Variants in HECW1 observed in about 807,000 individuals in gnomAD.
HECW1 encodes the protein HECT, C2 and WW domain containing E3 ubiquitin protein ligase 1, also known as E3 ubiquitin-protein ligase HECW1.
In HECW1, 61 loss-of-function variants were observed where a neutral mutation model predicts 182.3. That is an observed-to-expected ratio of 0.33 (90% CI 0.27 to 0.41). HECW1 has a LOEUF of 0.41. HECW1 is among the 10% of genes least tolerant of loss of function. The pLI is 1.00. For missense variants in HECW1, 1,739 were observed against 2,108.9 expected, an observed-to-expected ratio of 0.82 and a Z score of 3.44; for synonymous variants, 859 against 832.6, an observed-to-expected ratio of 1.03 and a Z score of -0.55.
chr7:43,466,654 G>A, intron 15 of HECW1, 86 bp downstream of exon 15: 8 of 1,426,936 alleles, frequency 5.6e-6, no homozygotes, highest in Non-Finnish European at 5.7e-6. Flanking sequence ...AGATCTAAAA[G>A]GGTAGAATTT....
chr7:43,361,077 T>TGC, intron 6 of HECW1, 97 bp downstream of exon 6: 1 of 731,312 alleles, frequency 1.4e-6, no homozygotes, highest in Non-Finnish European at 2.4e-6. Flanking sequence ...TGTGTGTGTG[T>TGC]GTGTGTGTGT....
At chr7:43,308,151 A>ATTATATATTTATATATAATATATTT (rs1807935520) in intron 3 of HECW1, among the ~76,000 whole-genome samples, 3 of 105,380 alleles carry the variant, frequency 2.8e-5, no homozygotes, top group Non-Finnish European at 5.2e-5. Context: ...TATATTATAT[A>ATTATATATTTATATATAATATATTT]TTATATATTT....
intron 5 of HECW1, among the ~76,000 whole-genome samples, chr7:43,340,408 A>G (rs989160495): frequency 6.6e-6 from 1 of 150,590 alleles, no homozygotes; most frequent in Non-Finnish European, 1.5e-5. Context: ...TTTAGTAGAG[A>G]CGGGGGTTCA....
chr7:43,194,481 C>T (rs1050947539), intron 2 of HECW1: 2 of 152,136 alleles, frequency 1.3e-5, no homozygotes, highest in Admixed American at 1.3e-4. Flanking sequence ...CAGAAAGCCA[C>T]TCCTACCCCA....
chr7:43,480,615 GTGTGTGTGCGTGTGTGTGTGTGTACATA>G (rs1204604155), intron 17 of HECW1, among the ~76,000 whole-genome samples: 2 of 151,654 alleles, frequency 1.3e-5, no homozygotes, highest in Non-Finnish European at 2.9e-5. Context: ...GTGAGTTTGT[GTGTGTGTGCGTGTGTGTGTGTGTACATA>G]TGTGTGTGTG....
At chr7:43,130,476 T>C (rs1041983179) in intron 2 of HECW1, among the ~76,000 whole-genome samples, 7 of 152,234 alleles carry the variant, frequency 4.6e-5, no homozygotes, top group Non-Finnish European at 1.0e-4. Flanking sequence ...GTGGACAGTC[T>C]GTGGGTGTTT....
chr7:43,420,764 C>T (rs929515692), intron 8 of HECW1, among the ~76,000 whole-genome samples: 8 of 152,210 alleles, frequency 5.3e-5, no homozygotes, highest in African/African-American at 9.6e-5. Flanking sequence ...ATGGTTACAC[C>T]GTGCACTACC....
chr7:43,416,393 T>C (rs1220246170), intron 8 of HECW1, among the ~76,000 whole-genome samples: 1 of 150,952 alleles, frequency 6.6e-6, no homozygotes, highest in African/African-American at 2.4e-5. Flanking sequence ...GGTTCTCAGA[T>C]CTCCAGCTGC....
At position 43,383,145 on chromosome 7, in the gene HECW1, G is replaced by GTTA. The variant is rs1348799608; in HGVS notation, c.556-13668_556-13667insTAT. 2.6e-5 allele frequency among the ~76,000 whole-genome samples: 4 copies of GTTA among 152,212 alleles called. No homozygotes were observed. The East Asian group carries it at 7.7e-4, about 29-fold the overall frequency. ...TTTTATGGCAGCATAGTATTCCATG[G>GTTA]TGTATGTGTGCCACATTTTCTTTAT... On this transcript the variant is annotated intron_variant, in intron 6 of 29. Transcript: ENST00000395891.
At chr7:43,521,363 G>A (rs1481482287) in intron 24 of HECW1, among the ~76,000 whole-genome samples, 2 of 152,146 alleles carry the variant, frequency 1.3e-5, no homozygotes, top group African/African-American at 4.8e-5. Context: ...ATTCTCCTAG[G>A]AGGCAAAATC....
chr7:43,445,711 T>C (rs1448769608), intron 11 of HECW1, 141 bp downstream of exon 11: 3 of 991,108 alleles, frequency 3.0e-6, no homozygotes, highest in Non-Finnish European at 4.4e-6. Context: ...TGTATATACA[T>C]GTGTGCATGT....
intron 2 of HECW1, among the ~76,000 whole-genome samples, chr7:43,192,425 AATT>A (rs1364856193): frequency 6.6e-6 from 1 of 152,198 alleles, no homozygotes; most frequent in African/African-American, 2.4e-5. Context: ...GAATGTGCCA[AATT>A]ATTATTACTT....
intron 2 of HECW1, among the ~76,000 whole-genome samples, chr7:43,210,889 C>T (rs533876719): frequency 1.4e-3 from 219 of 152,294 alleles, no homozygotes; most frequent in Non-Finnish European, 2.3e-3. Flanking sequence ...CAGGTCCAGC[C>T]GTGACAAACA....
intron 3 of HECW1, among the ~76,000 whole-genome samples, chr7:43,253,715 G>C (rs1419753917): frequency 6.6e-6 from 1 of 152,096 alleles, no homozygotes; most frequent in Non-Finnish European, 1.5e-5. Context: ...AGACCAGCCT[G>C]GCCAATATGG....
chr7:43,450,257 A>G (rs946469071), intron 11 of HECW1, among the ~76,000 whole-genome samples: 4 of 150,918 alleles, frequency 2.7e-5, no homozygotes, highest in African/African-American at 9.8e-5. Context: ...CAACCCCCCA[A>G]CCTCCAGCTT....
At chr7:43,445,785 C>G (rs2077037050) in intron 11 of HECW1, among the ~76,000 whole-genome samples, 1 of 152,164 alleles carries the variant, frequency 6.6e-6, no homozygotes, top group South Asian at 2.1e-4. Context: ...CAGATACACA[C>G]CAGGAATTAC....
intron 5 of HECW1, among the ~76,000 whole-genome samples, chr7:43,355,707 A>G (rs1584602307): frequency 6.6e-6 from 1 of 152,200 alleles, no homozygotes; most frequent in East Asian, 1.9e-4. Context: ...AAAACCAACC[A>G]GAGGCCAGGC....
chr7:43,338,449 CTCTTTAT>C (rs1195634983), intron 5 of HECW1, among the ~76,000 whole-genome samples: 13 of 152,046 alleles, frequency 8.6e-5, no homozygotes, highest in African/African-American at 3.1e-4. Flanking sequence ...TTACTTTCTG[CTCTTTAT>C]TCTTTATCAT....
At chr7:43,517,231 A>C (rs934246222) in intron 24 of HECW1, among the ~76,000 whole-genome samples, 24 of 152,186 alleles carry the variant, frequency 1.6e-4, no homozygotes, top group African/African-American at 5.5e-4. Context: ...GGTGGTGACG[A>C]ATCTAACCTT....
Sources: gnomAD v4.1 joint callset for allele counts (sites outside exome capture counted in the v4.1 genomes callset) on GRCh38, gnomAD v4.1.1 for gene constraint, MANE v1.5 for transcripts, NCBI Gene and HGNC (gene_info 2026-07-23, HGNC 2026-07-21) for gene names.